The following SEMA6D variants were observed in gnomAD, a reference collection of about 807,000 sequenced individuals.
SEMA6D encodes semaphorin 6D.
Under a neutral mutation model 106.6 loss-of-function variants are expected in SEMA6D, and 35 were observed. The observed-to-expected ratio is 0.33, with a 90% confidence interval of 0.25 to 0.44. The LOEUF is 0.44. Among genes scored for constraint, SEMA6D ranks in the 20% least tolerant of loss-of-function variants. The pLI is 1.00. For synonymous variants in SEMA6D, 499 were observed against 487.7 expected, an observed-to-expected ratio of 1.02 and a Z score of -0.31; for missense variants, 1,185 against 1,345.9, an observed-to-expected ratio of 0.88 and a Z score of 1.87.
Position 47,209,096 on chromosome 15 carries a change from G to T in SEMA6D, c.-239+24678G>T, listed in dbSNP as rs576558904. Among the ~76,000 whole-genome samples the T allele has an allele frequency of 7.7e-4, 117 of 152,158 alleles. 5 individuals carry two copies. In the South Asian group the frequency reaches 0.023, roughly 30 times the overall value. On this transcript the variant is annotated intron_variant, in intron 1 of 19. Coordinates refer to the SEMA6D transcript ENST00000558014. ...CCATTCCATTATTTCTAATAGGTAG[G>T]ATAATCTCATGTTTCAAAAGTATCA...
chr15:47,561,857 T>A (rs1408934498), intron 3 of SEMA6D, among the ~76,000 whole-genome samples: 3 of 151,936 alleles, frequency 2.0e-5, no homozygotes, highest in Non-Finnish European at 2.9e-5. Context: ...AAAGTTGCCA[T>A]GTTTTACCAA....
intron 2 of SEMA6D, among the ~76,000 whole-genome samples, chr15:47,435,295 C>CTTTG: frequency 1.3e-5 from 2 of 152,222 alleles, no homozygotes; most frequent in Middle Eastern, 3.4e-3. Flanking sequence ...TGTGAATCAT[C>CTTTG]AATCCCTATC....
chr15:47,211,501 A>G (rs2030011726), intron 1 of SEMA6D, among the ~76,000 whole-genome samples: 1 of 152,214 alleles, frequency 6.6e-6, no homozygotes, highest in East Asian at 1.9e-4. Flanking sequence ...AAGTACAAAT[A>G]TATCCTTTAG....
At chr15:47,673,316 G>C (rs1017193185) in intron 4 of SEMA6D, among the ~76,000 whole-genome samples, 1 of 152,124 alleles carries the variant, frequency 6.6e-6, no homozygotes, top group Non-Finnish European at 1.5e-5. Flanking sequence ...GAACCACCAG[G>C]CTGTGAAGGA....
At chr15:47,236,448 C>G (rs2032546099) in intron 1 of SEMA6D, among the ~76,000 whole-genome samples, 1 of 152,058 alleles carries the variant, frequency 6.6e-6, no homozygotes. Context: ...TAACCAATAT[C>G]AGTAATAATG....
At chr15:47,425,769 CAAGCGAGGTA>C (rs1193350861) in intron 2 of SEMA6D, among the ~76,000 whole-genome samples, 3 of 151,254 alleles carry the variant, frequency 2.0e-5, no homozygotes, top group South Asian at 4.2e-4. Context: ...CTCCCAGGTT[CAAGCGAGGTA>C]AAGCGAGGTA....
intron 3 of SEMA6D, among the ~76,000 whole-genome samples, chr15:47,512,662 G>A (rs1451426877): frequency 6.6e-6 from 1 of 152,164 alleles, no homozygotes; most frequent in Admixed American, 6.5e-5. Flanking sequence ...TACCAAATTG[G>A]GGACCTGGAT....
intron 4 of SEMA6D, among the ~76,000 whole-genome samples, chr15:47,651,367 G>T (rs1293899602): frequency 1.3e-5 from 2 of 151,984 alleles, no homozygotes; most frequent in Non-Finnish European, 2.9e-5. Flanking sequence ...TCATACTGCT[G>T]CACCCCCAGC....
At chr15:47,635,026 C>T (rs2077362220) in intron 4 of SEMA6D, among the ~76,000 whole-genome samples, 1 of 152,060 alleles carries the variant, frequency 6.6e-6, no homozygotes, top group African/African-American at 2.4e-5. Context: ...ATAGTACATC[C>T]AAGATGGAGC....
chr15:47,573,185 A>T (rs903338398), intron 3 of SEMA6D, among the ~76,000 whole-genome samples: 5 of 152,096 alleles, frequency 3.3e-5, no homozygotes, highest in Non-Finnish European at 5.9e-5. Flanking sequence ...AGAAAAAAAA[A>T]ATTCAAAGTT....
At position 47,271,974 on chromosome 15, in the gene SEMA6D, C is replaced by G. The variant is rs185420448; in HGVS notation, c.-239+87556C>G. On this transcript the variant is annotated intron_variant, in intron 1 of 19. Transcript: ENST00000558014. The stretch of plus-strand genomic sequence containing the variant: ...GGATGTATTTTGGATCATCCATCAT[C>G]TTCTGTTGTGGTGAGTCTTTTCAAG... Among the ~76,000 whole-genome samples the G allele has an allele frequency of 1.4e-3, 214 of 152,256 alleles. 3 individuals carry two copies. Among genetic ancestry groups the G allele is most frequent in the Non-Finnish European group, 2.7e-3 (183 of 68,020 alleles).
intron 1 of SEMA6D, among the ~76,000 whole-genome samples, chr15:47,247,146 G>C (rs1052344534): frequency 6.6e-6 from 1 of 152,274 alleles, no homozygotes; most frequent in East Asian, 1.9e-4. Context: ...TGAGAAGTGT[G>C]TATCATCTAA....
At chr15:47,449,046 C>T (rs2042109757) in intron 2 of SEMA6D, among the ~76,000 whole-genome samples, 1 of 152,010 alleles carries the variant, frequency 6.6e-6, no homozygotes, top group African/African-American at 2.4e-5. Flanking sequence ...TGACACCCTC[C>T]TACGCACGTT....
intron 1 of SEMA6D, among the ~76,000 whole-genome samples, chr15:47,231,726 G>T (rs1159288883): frequency 2.0e-5 from 3 of 151,940 alleles, no homozygotes; most frequent in African/African-American, 7.2e-5. Context: ...ATTAGGAGAA[G>T]AAATATTTTC....
chr15:47,760,194 G>A, intron 2 of SEMA6D, 110 bp from the exon 3 acceptor site: 1 of 735,538 alleles, frequency 1.4e-6, no homozygotes, highest in Middle Eastern at 2.4e-4. Flanking sequence ...CTTAAGAGAG[G>A]AATTTAGTTA....
intron 1 of SEMA6D, among the ~76,000 whole-genome samples, chr15:47,384,894 T>C (rs1262976317): frequency 1.3e-5 from 2 of 149,238 alleles, no homozygotes; most frequent in African/African-American, 4.9e-5. Context: ...TCATTTGTTG[T>C]TTTTTCTCAC....
At chr15:47,758,162 ATAT>A (rs2081863675) in intron 1 of SEMA6D, among the ~76,000 whole-genome samples, 1 of 152,280 alleles carries the variant, frequency 6.6e-6, no homozygotes, top group South Asian at 2.1e-4. Flanking sequence ...CTGCTGCAAT[ATAT>A]TATTCTCTTT....
At chr15:47,637,485 T>C (rs974326618) in intron 4 of SEMA6D, among the ~76,000 whole-genome samples, 8 of 152,118 alleles carry the variant, frequency 5.3e-5, no homozygotes, top group Non-Finnish European at 1.0e-4. Flanking sequence ...AGCGTATCAA[T>C]CAATAGCAGA....
At chr15:47,560,813 A>G (rs2046057606) in intron 3 of SEMA6D, among the ~76,000 whole-genome samples, 1 of 152,078 alleles carries the variant, frequency 6.6e-6, no homozygotes, top group Admixed American at 6.6e-5. Context: ...AACTTTGGAC[A>G]CAGAAGAACC....
Sources: allele counts gnomAD v4.1 joint callset (sites outside exome capture counted in the v4.1 genomes callset), GRCh38; gene constraint gnomAD v4.1.1; transcripts MANE v1.5; gene names NCBI Gene and HGNC (gene_info 2026-07-23, HGNC 2026-07-21).